The following DGKD variants were observed in gnomAD, a reference collection of about 807,000 sequenced individuals.
DGKD encodes DAG kinase delta.
In DGKD, 68 loss-of-function variants were observed where a neutral mutation model predicts 154.4. The observed-to-expected ratio is 0.44, with a 90% CI of 0.36 to 0.54. The LOEUF (loss-of-function observed/expected upper bound fraction) is 0.54, where lower values mean the gene tolerates loss of function less well. Among genes scored for constraint, DGKD ranks in the 20% least tolerant of loss-of-function variants. The probability of loss-of-function intolerance (pLI) is 0.00; values close to 1 mark genes in which losing one functional copy is unlikely to be tolerated. For missense variants in DGKD, 1,343 were observed against 1,593.6 expected (o/e 0.84, Z 2.68); for synonymous variants, 693 against 638.0 (o/e 1.09, Z -1.30).
At chr2:233,387,666 C>T (rs1398178171) in intron 1 of DGKD, among the ~76,000 whole-genome samples, 2 of 152,062 alleles carry the variant, frequency 1.3e-5, no homozygotes, top group Non-Finnish European at 2.9e-5. Context: ...ATCAGCTTTT[C>T]GGGTTGAGAG....
intron 1 of DGKD, among the ~76,000 whole-genome samples, chr2:233,375,371 G>A (rs986219703): frequency 1.3e-5 from 2 of 152,080 alleles, no homozygotes; most frequent in East Asian, 1.9e-4. Context: ...AGGTGTTAGC[G>A]TGGCTGGGCT....
At position 233,441,881 on chromosome 2, in the gene DGKD, C is replaced by G. The variant is rs769793625; in HGVS notation, c.1086-6C>G. 3 of 1,611,790 alleles carry G rather than the reference C, an allele frequency of 1.9e-6. No homozygotes were observed. The highest frequency in any genetic ancestry group is 1.7e-5 in the Admixed American group (1 of 59,944). On this transcript the variant is annotated splice_region_variant and splice_polypyrimidine_tract_variant and intron_variant, in intron 9 of 29. Coordinates refer to ENST00000264057, the MANE Select transcript of DGKD (RefSeq NM_152879.3). The surrounding 1 kb of genome is among the most constrained non-coding windows in gnomAD (Gnocchi z 5.6). ...TCATTTCACGGCCTTTCTCTTTTCT[C>G]TGCAGCTTACGGTTATTCCAGAAGT... is the stretch of plus-strand genomic sequence containing the variant.
At chr2:233,463,078 C>T (rs2063702507) in intron 26 of DGKD, among the ~76,000 whole-genome samples, 1 of 152,164 alleles carries the variant, frequency 6.6e-6, no homozygotes, top group Non-Finnish European at 1.5e-5. Context: ...CCTGCAAAAC[C>T]GGCTGATATG....
intron 3 of DGKD, among the ~76,000 whole-genome samples, chr2:233,420,376 G>C (rs1214555925): frequency 6.6e-6 from 1 of 151,878 alleles, no homozygotes; most frequent in Non-Finnish European, 1.5e-5. Context: ...AGTAACACAT[G>C]AACCCAGCTA....
intron 3 of DGKD, among the ~76,000 whole-genome samples, chr2:233,431,548 G>A (rs1324154730): frequency 6.6e-6 from 1 of 152,146 alleles, no homozygotes; most frequent in African/African-American, 2.4e-5. Flanking sequence ...AAAAATTGGA[G>A]GAATCACATT....
In DGKD at chr2:233,451,024, C is replaced by T. The variant is rs910462619; in HGVS notation, c.2141C>T (p.Ala714Val). Residue 714 changes from alanine to valine, a missense_variant, in exon 17 of 30, where the codon GCG becomes GTG. Ala to Val is a moderately conservative substitution (Grantham distance 64). Coordinates refer to ENST00000264057, the MANE Select transcript of DGKD (RefSeq NM_152879.3). ...CCGGGAAGCCGGGACGGCCTGCCTG[C>T]GCTCAACACCAAGATCCTGTACCCA... ...PQPGSRDGLPALNTKILYPNV... is the reference protein window; with the variant it reads ...PQPGSRDGLPVLNTKILYPNV... The T allele has an allele frequency of 2.5e-6, 4 of 1,611,860 alleles. No homozygotes were observed. The highest frequency in any genetic ancestry group is 2.2e-5 in the East Asian group (1 of 44,772).
intron 3 of DGKD, among the ~76,000 whole-genome samples, chr2:233,408,240 C>T (rs933218528): frequency 3.3e-5 from 5 of 152,002 alleles, no homozygotes; most frequent in Admixed American, 1.3e-4. Context: ...CAGGGTTTCA[C>T]CATGTTGGCC....
Position 233,441,752 on chromosome 2 carries a change from G to T in DGKD, c.1086-135G>T. 1 of 730,930 alleles carries T rather than the reference G, an allele frequency of 1.4e-6. No homozygotes were observed. 45.3% of individuals were successfully genotyped at this position (730,930 alleles called of 1,614,324 possible). A position where few individuals can be genotyped will look rare whatever the true frequency, so the allele number is the denominator to read the frequency against. ...TGGAGGCGGCTGGTGTCACGTGGCA[G>T]GGCCTGTGCGTGCTCTGCCTCTGGT... is the stretch of plus-strand genomic sequence containing the variant. On this transcript the variant is annotated intron_variant, in intron 9 of 29. Transcript: ENST00000264057. This position sits in a 1 kb window ranked among gnomAD's most constrained non-coding sequence, Gnocchi z 5.6.
rs1405206014 is a variant in DGKD, at chr2:233,354,841, G to T, written c.156+167G>T. On this transcript the variant is annotated intron_variant, in intron 1 of 29. Coordinates refer to ENST00000264057, the MANE Select transcript of DGKD (RefSeq NM_152879.3). This position sits in a 1 kb window ranked among gnomAD's most constrained non-coding sequence, Gnocchi z 4.8. ...GCGTGCCCCGCCGCTGTAACGGGCC[G>T]GCGCCCCGGGCGGAGCGCGCGGCCC... is the stretch of plus-strand genomic sequence containing the variant. 6.9e-6 allele frequency among the ~76,000 whole-genome samples: 1 copy of T among 144,902 alleles called. No individual in the cohort carries two copies. Among genetic ancestry groups the T allele is most frequent in the Non-Finnish European group, 1.5e-5 (1 of 65,250 alleles).
In DGKD at chr2:233,468,326, C is replaced by G. The variant is rs932792580; in HGVS notation, c.3425-97C>G. ...TGCTGGCTGTTGGGACGTCTCCTGTCCTGGCACTGGGCTCTCGGGTGCTGG... is the reference window on the plus strand; with the variant it reads ...TGCTGGCTGTTGGGACGTCTCCTGTGCTGGCACTGGGCTCTCGGGTGCTGG... On this transcript the variant is annotated intron_variant, in intron 28 of 29. Coordinates refer to ENST00000264057, the MANE Select transcript of DGKD (RefSeq NM_152879.3). 75 of 1,492,760 alleles carry G rather than the reference C, an allele frequency of 5.0e-5. No homozygotes were observed. The African/African-American group carries it at 8.8e-4, about 18-fold the overall frequency. 92.5% of individuals were successfully genotyped at this position (1,492,760 alleles called of 1,614,324 possible).
At chr2:233,363,765 G>A (rs1011466298) in intron 1 of DGKD, among the ~76,000 whole-genome samples, 4 of 152,236 alleles carry the variant, frequency 2.6e-5, no homozygotes, top group Admixed American at 6.5e-5. Context: ...ATTTAGATAC[G>A]CAAATACTTG....
rs2063946614 is a variant in DGKD at position 233,469,639 on chromosome 2, A to G, written c.*179A>G. 3.3e-6 allele frequency: 2 copies of G among 603,542 alleles called. No homozygotes were observed. Among genetic ancestry groups the G allele is most frequent in the East Asian group, 2.8e-5 (1 of 36,138 alleles). 37.4% of individuals were successfully genotyped at this position (603,542 alleles called of 1,614,324 possible). On this transcript the variant is annotated 3_prime_UTR_variant, in exon 30 of 30. Transcript: ENST00000264057. ...ACAGAAAGCCTCCGTGACACCGTCC[A>G]CCAGAGCTCTGGGGTCTCGAACATA...
rs2063152671 is a variant in DGKD at position 233,448,325 on chromosome 2, T to C, written c.1564T>C (p.Tyr522His). The change falls in exon 14 of 30, where the codon TAT (tyrosine) becomes CAT (histidine). Residue 522 changes from tyrosine (Y) to histidine (H), a missense_variant. Transcript: ENST00000264057. Reference protein sequence around the residue: ...KDFVARVGKAYEKTTESSEES... With the variant: ...KDFVARVGKAHEKTTESSEES... Reference sequence around the variant, plus strand: ...CTTCGTGGCACGGGTGGGGAAGGCCTATGAGAAGACGACCGAGAGCTCGGA... The same window carrying C: ...CTTCGTGGCACGGGTGGGGAAGGCCCATGAGAAGACGACCGAGAGCTCGGA... 2 of 1,614,124 alleles carry C rather than the reference T, an allele frequency of 1.2e-6. No homozygotes were observed. Among genetic ancestry groups the C allele is most frequent in the Non-Finnish European group, 1.7e-6 (2 of 1,180,008 alleles).
rs761961468 is a variant in DGKD, at chr2:233,440,081, C to A, written c.1085+1702C>A. Among the ~76,000 whole-genome samples, 1 of 152,048 alleles carries A rather than the reference C, an allele frequency of 6.6e-6. No individual in the cohort carries two copies. The highest frequency in any genetic ancestry group is 1.5e-5 in the Non-Finnish European group (1 of 68,010). ...ATTCATTTTGGTGTGCAAGCAAAACCCCATGTTTCGTAGTGGGAGTTAAGT... is the reference window on the plus strand; with the variant it reads ...ATTCATTTTGGTGTGCAAGCAAAACACCATGTTTCGTAGTGGGAGTTAAGT... On this transcript the variant is annotated intron_variant, in intron 9 of 29. Transcript: ENST00000264057. The surrounding 1 kb of genome is among the most constrained non-coding windows in gnomAD (Gnocchi z 4.9).
At chr2:233,442,645 T>G in intron 10 of DGKD, 1 of 167,604 alleles carries the variant, frequency 6.0e-6, no homozygotes, top group East Asian at 1.5e-4. Context: ...CTTGCTCTGT[T>G]GCTGGGCTGG....
intron 3 of DGKD, among the ~76,000 whole-genome samples, chr2:233,416,846 G>A (rs1021356402): frequency 1.3e-5 from 2 of 152,110 alleles, no homozygotes; most frequent in Non-Finnish European, 1.5e-5. Context: ...TTTCTCTAGC[G>A]AGAAGTCCAG....
chr2:233,387,068 C>T (rs963244681), intron 1 of DGKD, among the ~76,000 whole-genome samples: 3 of 152,182 alleles, frequency 2.0e-5, no homozygotes, highest in African/African-American at 2.4e-5. Flanking sequence ...TTGTGAATGC[C>T]GGTGGATGGA....
chr2:233,385,497 T>C (rs1209011931), intron 1 of DGKD, among the ~76,000 whole-genome samples: 1 of 152,228 alleles, frequency 6.6e-6, no homozygotes, highest in Non-Finnish European at 1.5e-5. Flanking sequence ...CTTAGATGGC[T>C]TGAACGACAG....
At chr2:233,419,478 T>A in intron 3 of DGKD, 1 of 981,392 alleles carries the variant, frequency 1.0e-6, no homozygotes, top group Non-Finnish European at 1.2e-6. Flanking sequence ...GGTGGTGAGT[T>A]CAAGGTCAGG....
Sources: gnomAD v4.1 joint callset for allele counts (sites outside exome capture counted in the v4.1 genomes callset) on GRCh38, gnomAD v4.1.1 for gene constraint, Gnocchi (gnomAD v3.1) non-coding constraint, MANE v1.5 for transcripts, NCBI Gene and HGNC (gene_info 2026-07-23, HGNC 2026-07-21) for gene names.